Variants in DRC9 observed in about 807,000 individuals in gnomAD.
DRC9 encodes dynein regulatory complex protein 9.
the DRC9 span, among the ~76,000 whole-genome samples, chr3:197,896,043 T>A: frequency 7.5e-6 from 1 of 134,138 alleles, no homozygotes. Flanking sequence ...AAATGAAAAG[T>A]TAAAAAAAAA....
chr3:197,911,829 G>A, the DRC9 span, among the ~76,000 whole-genome samples: 93 of 151,460 alleles, frequency 6.1e-4, no homozygotes, highest in Admixed American at 1.7e-3. Context: ...TAGTAGAGAC[G>A]GGGTTTCTCC....
chr3:197,954,262 T>C, the DRC9 span: 16 of 1,027,418 alleles, frequency 1.6e-5, no homozygotes, highest in East Asian at 3.3e-4. Context: ...TAAATTATGC[T>C]GCAAAATTTG....
chr3:197,952,587 C>T, the DRC9 span: 1 of 152,126 alleles, frequency 6.6e-6, no homozygotes, highest in Non-Finnish European at 1.5e-5. Context: ...CTCTGCTTCC[C>T]GGGTTCAAGC....
the DRC9 span, among the ~76,000 whole-genome samples, chr3:197,908,541 G>C: frequency 6.9e-6 from 1 of 144,162 alleles, no homozygotes; most frequent in African/African-American, 2.6e-5. Flanking sequence ...CATCCTCCCA[G>C]ATGAAGTTAT....
chr3:197,889,457 G>A, the DRC9 span: 7 of 1,129,072 alleles, frequency 6.2e-6, no homozygotes, highest in African/African-American at 1.6e-5. Flanking sequence ...AGGCTTCCCT[G>A]GGAAAGTCTC....
the DRC9 span, among the ~76,000 whole-genome samples, chr3:197,891,048 C>G: frequency 3.3e-5 from 5 of 152,204 alleles, no homozygotes; most frequent in Non-Finnish European, 7.3e-5. Context: ...TTATCCTTCC[C>G]ACCTAAGCAG....
the DRC9 span, chr3:197,951,000 C>A: frequency 3.1e-6 from 5 of 1,612,394 alleles, no homozygotes; most frequent in Non-Finnish European, 3.4e-6. Context: ...AAATATAGTT[C>A]TTTATTTTTG....
At chr3:197,908,796 G>A in the DRC9 span, among the ~76,000 whole-genome samples, 4 of 141,348 alleles carry the variant, frequency 2.8e-5, no homozygotes, top group Non-Finnish European at 6.0e-5. Context: ...GGTCTGAAGA[G>A]TGACCCCTTT....
the DRC9 span, among the ~76,000 whole-genome samples, chr3:197,904,110 A>ATACATACATATATATATATATATTT: frequency 1.2e-5 from 1 of 80,786 alleles, no homozygotes; most frequent in Admixed American, 1.1e-4. Context: ...ATATATATAT[A>ATACATACATATATATATATATATTT]TTTTTTTTTT....
chr3:197,942,304 A>G, the DRC9 span, among the ~76,000 whole-genome samples: 66 of 148,886 alleles, frequency 4.4e-4, 3 homozygotes, highest in East Asian at 0.01. Context: ...GAATGGCATG[A>G]ACCCGGGAGG....
chr3:197,918,046 C>T, the DRC9 span, among the ~76,000 whole-genome samples: 4 of 151,186 alleles, frequency 2.6e-5, no homozygotes, highest in Admixed American at 2.0e-4. Context: ...ATTTCTCCTC[C>T]TTCTTCCTCT....
the DRC9 span, among the ~76,000 whole-genome samples, chr3:197,937,672 G>A: frequency 6.6e-6 from 1 of 151,974 alleles, no homozygotes; most frequent in Admixed American, 6.6e-5. Flanking sequence ...TAGAGACAGG[G>A]TTTCACTTTA....
the DRC9 span, chr3:197,945,708 G>A: frequency 1.0e-5 from 10 of 959,688 alleles, no homozygotes; most frequent in South Asian, 1.5e-5. Flanking sequence ...AAGAAACACT[G>A]AGATTAGTTT....
chr3:197,920,233 T>A, the DRC9 span, among the ~76,000 whole-genome samples: 6 of 151,508 alleles, frequency 4.0e-5, no homozygotes, highest in Admixed American at 3.3e-4. Flanking sequence ...ATAAAATAAA[T>A]TAACATTTCT....
the DRC9 span, among the ~76,000 whole-genome samples, chr3:197,893,224 G>A: frequency 3.9e-5 from 6 of 151,984 alleles, no homozygotes; most frequent in Admixed American, 3.9e-4. Context: ...GGGCATGGTG[G>A]CGCATACCTG....
the DRC9 span, among the ~76,000 whole-genome samples, chr3:197,922,431 C>T: frequency 2.0e-5 from 3 of 152,248 alleles, no homozygotes; most frequent in South Asian, 6.2e-4. Flanking sequence ...TCTGGCCAGG[C>T]ACAGTGGCTC....
At chr3:197,914,379 A>G in the DRC9 span, among the ~76,000 whole-genome samples, 1 of 152,232 alleles carries the variant, frequency 6.6e-6, no homozygotes, top group African/African-American at 2.4e-5. Context: ...CCAGGCCTCC[A>G]GCTGTGTGAA....
the DRC9 span, among the ~76,000 whole-genome samples, chr3:197,908,496 C>A: frequency 1.4e-5 from 2 of 138,208 alleles, no homozygotes. Context: ...ACAGGGGTGA[C>A]TGTACCACGT....
chr3:197,931,857 C>T, the DRC9 span, among the ~76,000 whole-genome samples: 1 of 151,950 alleles, frequency 6.6e-6, no homozygotes, highest in African/African-American at 2.4e-5. Context: ...GATCTCCTGA[C>T]CTCGTGATCC....
Sources: gnomAD v4.1 joint callset for allele counts (sites outside exome capture counted in the v4.1 genomes callset) on GRCh38, gnomAD v4.1.1 for gene constraint, MANE v1.5 for transcripts, NCBI Gene and HGNC (gene_info 2026-07-23, HGNC 2026-07-21) for gene names.